Variants in ANKRD44 observed in about 807,000 individuals in gnomAD.
The protein encoded by ANKRD44 is serine/threonine-protein phosphatase 6 regulatory ankyrin repeat subunit B.
A neutral mutation model predicts 116.0 loss-of-function variants in ANKRD44; 35 were observed. The observed-to-expected ratio is 0.30, with a 90% CI of 0.23 to 0.40. The LOEUF (loss-of-function observed/expected upper bound fraction) is 0.40. Ranked by LOEUF, ANKRD44 falls within the 10% of genes least tolerant of loss-of-function variation. ANKRD44 has a pLI of 1.00. For synonymous variants in ANKRD44, 435 were observed against 461.8 expected, an observed-to-expected ratio of 0.94 and a Z score of 0.74; for missense variants, 1,014 against 1,242.6, an observed-to-expected ratio of 0.82 and a Z score of 2.77.
At chr2:197,122,820 C>G in intron 6 of ANKRD44, 28 bp from the exon 7 acceptor site, 1 of 1,609,718 alleles carries the variant, frequency 6.2e-7, no homozygotes, top group Admixed American at 1.7e-5. Flanking sequence ...CAGAAAACAT[C>G]GTTAACCTTT....
intron 16 of ANKRD44, among the ~76,000 whole-genome samples, chr2:197,068,625 CA>C (rs1160046107): frequency 6.6e-6 from 1 of 152,002 alleles, no homozygotes; most frequent in African/African-American, 2.4e-5. Context: ...AAAAAACAAA[CA>C]ACCCCATCAA....
At chr2:197,004,737 C>G (rs955813626) in intron 21 of ANKRD44, among the ~76,000 whole-genome samples, 1 of 152,006 alleles carries the variant, frequency 6.6e-6, no homozygotes, top group Non-Finnish European at 1.5e-5. Context: ...AATACACAAA[C>G]CCCCTTACTC....
chr2:197,170,841 G>A (rs56975126), intron 2 of ANKRD44, among the ~76,000 whole-genome samples: 7,071 of 152,088 alleles, frequency 0.046, 567 homozygotes, highest in African/African-American at 0.16. Context: ...TCAGAGAAGC[G>A]GCTTCATGTT....
Position 197,083,357 on chromosome 2 carries a change from G to A in ANKRD44, c.1457+12C>T. 1.9e-6 allele frequency: 3 copies of A among 1,609,898 alleles called. No homozygotes were observed. The highest frequency in any genetic ancestry group is 2.5e-6 in the Non-Finnish European group (3 of 1,178,252). ...CTGTTCCCAGAGGAAGCATGAGCAAGGCTGTTTTTACTTTCTATCCATGTC... is the reference window on the plus strand; with the variant it reads ...CTGTTCCCAGAGGAAGCATGAGCAAAGCTGTTTTTACTTTCTATCCATGTC... On this transcript the variant is annotated intron_variant, in intron 14 of 27. Coordinates refer to ENST00000282272, the MANE Select transcript of ANKRD44 (RefSeq NM_001195144.2).
rs189374677 is a variant in ANKRD44 at position 197,167,499 on chromosome 2, A to G, written c.111+19524T>C. ...ATCTATCTTAGATGGGTATCTTCCA[A>G]TCATCGAAGACTTCCCAGAACCCAA... On this transcript the variant is annotated intron_variant, in intron 2 of 27. Coordinates refer to ENST00000282272, the MANE Select transcript of ANKRD44 (RefSeq NM_001195144.2). 2.0e-4 allele frequency among the ~76,000 whole-genome samples: 31 copies of G among 152,306 alleles called. No individual in the cohort carries two copies. In the East Asian group the frequency reaches 3.5e-3, roughly 17 times the overall value.
chr2:197,275,490 T>C (rs1438596132), intron 1 of ANKRD44, among the ~76,000 whole-genome samples: 1 of 150,676 alleles, frequency 6.6e-6, no homozygotes, highest in Non-Finnish European at 1.5e-5. Flanking sequence ...GGGGGATCCA[T>C]GCCATTTACT....
chr2:197,278,932 C>A (rs776069587), intron 1 of ANKRD44, among the ~76,000 whole-genome samples: 3 of 152,236 alleles, frequency 2.0e-5, no homozygotes, highest in African/African-American at 7.2e-5. Flanking sequence ...AATCCCTCCA[C>A]GTGGAATTCT....
intron 1 of ANKRD44, among the ~76,000 whole-genome samples, chr2:197,238,681 G>A (rs1417529352): frequency 6.6e-6 from 1 of 151,906 alleles, no homozygotes; most frequent in African/African-American, 2.4e-5. Context: ...ATGGTGATAA[G>A]GACCCAGGTT....
intron 19 of ANKRD44, 76 bp from the exon 20 acceptor site, chr2:197,007,999 C>T: frequency 1.6e-6 from 1 of 641,358 alleles, no homozygotes; most frequent in Non-Finnish European, 2.4e-6. Flanking sequence ...GGAAGACATT[C>T]TCTTTCTCCC....
rs569317436 is a variant in ANKRD44 at position 197,079,313 on chromosome 2, A to C, written c.1539-499T>G. Among the ~76,000 whole-genome samples, 42 of 152,344 alleles carry C rather than the reference A, an allele frequency of 2.8e-4. No individual in the cohort carries two copies. The South Asian group carries it at 8.7e-3, about 32-fold the overall frequency. On this transcript the variant is annotated intron_variant, in intron 15 of 27. Transcript: ENST00000282272. ...AAAAAAAATAAGAATAGCCTAAACA[A>C]TAAAAAGATTAAAGGAATGGGTAAG...
At chr2:197,290,260 C>T (rs920179459) in intron 1 of ANKRD44, among the ~76,000 whole-genome samples, 1 of 152,208 alleles carries the variant, frequency 6.6e-6, no homozygotes, top group African/African-American at 2.4e-5. Flanking sequence ...ACACCAACAT[C>T]TATTGTGTTG....
At chr2:197,113,674 C>T (rs987345745) in intron 8 of ANKRD44, among the ~76,000 whole-genome samples, 1 of 152,174 alleles carries the variant, frequency 6.6e-6, no homozygotes, top group Admixed American at 6.5e-5. Context: ...AAGCCAGGCC[C>T]ATTTCAGGGA....
intron 9 of ANKRD44, among the ~76,000 whole-genome samples, chr2:197,103,065 C>T (rs1028740390): frequency 7.9e-5 from 12 of 151,852 alleles, no homozygotes; most frequent in East Asian, 1.9e-4. Flanking sequence ...CCATCTCTAC[C>T]AAAAACACAA....
At chr2:197,236,083 T>A (rs138661452) in intron 1 of ANKRD44, among the ~76,000 whole-genome samples, 2 of 152,210 alleles carry the variant, frequency 1.3e-5, no homozygotes, top group East Asian at 3.9e-4. Context: ...GAAAACCGGA[T>A]AAATGCCACA....
Position 197,007,888 on chromosome 2 carries a change from A to G in ANKRD44, c.2048T>C (p.Ile683Thr), listed in dbSNP as rs777011966. The change falls in exon 20 of 28, where the codon ATT becomes ACT. Residue 683 changes from isoleucine to threonine, a missense_variant. Physicochemically the swap from Ile to Thr is moderately conservative, Grantham distance 89 (BLOSUM62 -1). Coordinates refer to ENST00000282272, the MANE Select transcript of ANKRD44 (RefSeq NM_001195144.2). ...TTCAAGTAACAATGAAACAGCGTCA[A>G]TATGTCCATATGCTACTGCAAGCAT... ...PLMLAVAYGH[I>T]DAVSLLLEKE... 2 of 1,613,924 alleles carry G rather than the reference A, an allele frequency of 1.2e-6. No homozygotes were observed. The highest frequency in any genetic ancestry group is 1.1e-5 in the South Asian group (1 of 91,082).
At chr2:197,306,545 AC>A (rs746976262) in intron 1 of ANKRD44, among the ~76,000 whole-genome samples, 1 of 152,222 alleles carries the variant, frequency 6.6e-6, no homozygotes, top group Non-Finnish European at 1.5e-5. Flanking sequence ...GGGTCCTGAA[AC>A]AACCAGAAAA....
In ANKRD44 at chr2:197,136,747, C is replaced by A. The variant is rs2079227535; in HGVS notation, c.191-85G>T. The A allele has an allele frequency of 3.4e-6, 4 of 1,179,554 alleles. No homozygotes were observed. In the South Asian group the frequency reaches 5.0e-5, roughly 15 times the overall value. The allele number at this position is 1,179,554 out of a possible 1,614,324, so 73.1% of individuals were successfully genotyped here. On this transcript the variant is annotated intron_variant, in intron 3 of 27. Transcript: ENST00000282272. Reference sequence around the variant, plus strand: ...TAAATCAAATGCTGTATCTTGCTCCCATTTGCCTGACATAACCACCACCTC... The same window carrying A: ...TAAATCAAATGCTGTATCTTGCTCCAATTTGCCTGACATAACCACCACCTC...
intron 9 of ANKRD44, among the ~76,000 whole-genome samples, chr2:197,105,955 A>G (rs1559066841): frequency 6.6e-6 from 1 of 152,354 alleles, no homozygotes; most frequent in East Asian, 1.9e-4. Context: ...CATCCTTCCC[A>G]GCCAAGAGTC....
intron 16 of ANKRD44, among the ~76,000 whole-genome samples, chr2:197,038,127 G>A (rs1360203324): frequency 6.6e-6 from 1 of 152,146 alleles, no homozygotes; most frequent in African/African-American, 2.4e-5. Context: ...AACACCAAGA[G>A]TGGACCTTGA....
Sources: gnomAD v4.1 joint callset for allele counts (sites outside exome capture counted in the v4.1 genomes callset) on GRCh38, gnomAD v4.1.1 for gene constraint, MANE v1.5 for transcripts, NCBI Gene and HGNC (gene_info 2026-07-23, HGNC 2026-07-21) for gene names.